The following LRP1B variants were observed in gnomAD, a reference collection of about 807,000 sequenced individuals.
LRP1B encodes LDL receptor related protein 1B.
Under a neutral mutation model 556.6 loss-of-function variants are expected in LRP1B, and 217 were observed. The ratio of observed to expected loss-of-function variants is 0.39; its 90% confidence interval spans 0.35 to 0.44. The LOEUF (loss-of-function observed/expected upper bound fraction) is 0.44, where lower values mean the gene tolerates loss of function less well. Among genes scored for constraint, LRP1B ranks in the 20% least tolerant of loss-of-function variants. The pLI, the probability that LRP1B is intolerant of heterozygous loss-of-function variation, is 1.00. For missense variants in LRP1B, 5,053 were observed against 5,620.8 expected (o/e 0.90, Z 3.23); for synonymous variants, 2,047 against 1,865.8 (o/e 1.10, Z -2.50).
chr2:141,881,747 T>C (rs1031772509), intron 1 of LRP1B, among the ~76,000 whole-genome samples: 2 of 152,102 alleles, frequency 1.3e-5, no homozygotes, highest in Non-Finnish European at 2.9e-5. Flanking sequence ...ACAAAAAATA[T>C]ACTCTAAACC....
intron 1 of LRP1B, among the ~76,000 whole-genome samples, chr2:141,826,422 C>G (rs1430966346): frequency 6.9e-6 from 1 of 144,438 alleles, no homozygotes; most frequent in Non-Finnish European, 1.5e-5. Flanking sequence ...TGCAGTGGCG[C>G]CATCTCGGCT....
chr2:141,284,905 T>C (rs1685647186), intron 3 of LRP1B, among the ~76,000 whole-genome samples: 1 of 152,198 alleles, frequency 6.6e-6, no homozygotes, highest in Non-Finnish European at 1.5e-5. Context: ...TATCCGGCTC[T>C]ATCCTTTTTA....
At chr2:141,149,291 C>G (rs1701862981) in intron 7 of LRP1B, among the ~76,000 whole-genome samples, 1 of 151,980 alleles carries the variant, frequency 6.6e-6, no homozygotes, top group South Asian at 2.1e-4. Context: ...CCTCTGACCA[C>G]TATGGCCTGA....
At chr2:141,860,971 GC>G (rs1698220524) in intron 1 of LRP1B, among the ~76,000 whole-genome samples, 1 of 152,036 alleles carries the variant, frequency 6.6e-6, no homozygotes, top group Non-Finnish European at 1.5e-5. Context: ...GATAATTTCT[GC>G]CCCTTTGAAA....
At chr2:140,250,504 T>G (rs1308984815) in intron 86 of LRP1B, among the ~76,000 whole-genome samples, 4 of 151,470 alleles carry the variant, frequency 2.6e-5, no homozygotes, top group African/African-American at 9.7e-5. Flanking sequence ...AGGGTATTGA[T>G]TTAACATTCT....
chr2:140,315,328 G>A (rs1684474360), intron 82 of LRP1B, among the ~76,000 whole-genome samples: 1 of 152,012 alleles, frequency 6.6e-6, no homozygotes, highest in African/African-American at 2.4e-5. Context: ...TAAATTTAAA[G>A]CATTATTAAC....
intron 5 of LRP1B, among the ~76,000 whole-genome samples, chr2:141,245,397 G>A (rs1333693867): frequency 6.6e-6 from 1 of 152,142 alleles, no homozygotes; most frequent in African/African-American, 2.4e-5. Context: ...CATGTGTAAA[G>A]AGAAACAACT....
chr2:141,625,291 GTACCT>G (rs1688667574), intron 2 of LRP1B, among the ~76,000 whole-genome samples: 1 of 152,078 alleles, frequency 6.6e-6, no homozygotes, highest in African/African-American at 2.4e-5. Flanking sequence ...ACATGGAATG[GTACCT>G]TGAGTGAGGT....
intron 23 of LRP1B, among the ~76,000 whole-genome samples, chr2:140,887,899 T>C (rs1693686285): frequency 6.6e-6 from 1 of 152,138 alleles, no homozygotes. Context: ...GGGTAGGTAT[T>C]AACAGGAAGT....
chr2:141,815,353 C>T (rs1015093598), intron 1 of LRP1B, among the ~76,000 whole-genome samples: 6 of 152,054 alleles, frequency 3.9e-5, no homozygotes, highest in Non-Finnish European at 8.8e-5. Flanking sequence ...CCAGCTGGGT[C>T]GAGTGAGGAC....
intron 2 of LRP1B, among the ~76,000 whole-genome samples, chr2:141,559,169 AC>A (rs1360107500): frequency 6.6e-5 from 10 of 151,392 alleles, no homozygotes; most frequent in Non-Finnish European, 1.5e-4. Context: ...ATTCTCCATC[AC>A]TATTATGTTT....
intron 66 of LRP1B, among the ~76,000 whole-genome samples, chr2:140,435,996 C>T (rs1443368866): frequency 6.6e-6 from 1 of 152,052 alleles, no homozygotes; most frequent in African/African-American, 2.4e-5. Context: ...CTCTCACACA[C>T]ACACACACCC....
intron 3 of LRP1B, among the ~76,000 whole-genome samples, chr2:141,470,210 A>G (rs528320592): frequency 6.6e-6 from 1 of 152,172 alleles, no homozygotes; most frequent in Non-Finnish European, 1.5e-5. Flanking sequence ...TGAAATTTCT[A>G]AAGTTTTTTA....
At chr2:141,497,586 T>C (rs1683553533) in intron 2 of LRP1B, among the ~76,000 whole-genome samples, 4 of 151,942 alleles carry the variant, frequency 2.6e-5, no homozygotes. Context: ...CAGGCGATGA[T>C]AGAAAAATAA....
At chr2:141,670,985 T>C (rs1558794347) in intron 2 of LRP1B, among the ~76,000 whole-genome samples, 1 of 152,222 alleles carries the variant, frequency 6.6e-6, no homozygotes, top group Non-Finnish European at 1.5e-5. Flanking sequence ...TATAATGGTA[T>C]CATGTGCTGT....
intron 3 of LRP1B, 132 bp downstream of exon 3, chr2:141,480,264 G>T: frequency 9.8e-7 from 1 of 1,020,270 alleles, no homozygotes; most frequent in Non-Finnish European, 1.5e-6. Context: ...ATGTCTGGCA[G>T]TAAAATTCAT....
chr2:140,926,452 C>CATA (rs1694888403), intron 20 of LRP1B, among the ~76,000 whole-genome samples: 1 of 152,014 alleles, frequency 6.6e-6, no homozygotes, highest in African/African-American at 2.4e-5. Flanking sequence ...TACAGTTCTC[C>CATA]CACCTCAGCC....
At chr2:141,319,573 G>C (rs566968844) in intron 3 of LRP1B, among the ~76,000 whole-genome samples, 1 of 152,078 alleles carries the variant, frequency 6.6e-6, no homozygotes, top group South Asian at 2.1e-4. Flanking sequence ...GTAAGCAAAA[G>C]AAAATTCTTC....
intron 1 of LRP1B, among the ~76,000 whole-genome samples, chr2:141,891,780 A>C (rs1574468767): frequency 6.6e-6 from 1 of 152,110 alleles, no homozygotes; most frequent in Admixed American, 6.6e-5. Context: ...ATTCCTTCAT[A>C]TTAATAAGCA....
Sources: allele counts gnomAD v4.1 joint callset (sites outside exome capture counted in the v4.1 genomes callset), GRCh38; gene constraint gnomAD v4.1.1; transcripts MANE v1.5; gene names NCBI Gene and HGNC (gene_info 2026-07-23, HGNC 2026-07-21).